NCOR1: variants seen among roughly 807,000 people sequenced by gnomAD.
The protein encoded by NCOR1 is nuclear receptor corepressor 1.
NCOR1 carries 63 observed loss-of-function variants against 288.1 expected under a neutral mutation model. The ratio of observed to expected loss-of-function variants is 0.22; its 90% CI spans 0.18 to 0.27. The LOEUF is 0.27. Among genes scored for constraint, NCOR1 ranks in the 10% least tolerant of loss-of-function variants. The pLI is 1.00. For missense variants in NCOR1, 2,397 were observed against 3,019.2 expected (o/e 0.79, Z 4.83); for synonymous variants, 1,007 against 1,065.9 (o/e 0.94, Z 1.08).
intron 18 of NCOR1, among the ~76,000 whole-genome samples, chr17:16,112,196 A>T (rs2070399225): frequency 6.6e-6 from 1 of 151,964 alleles, no homozygotes; most frequent in Non-Finnish European, 1.5e-5. Flanking sequence ...TACATATCTG[A>T]CTCATTTTTT....
At chr17:16,153,067 G>C (rs1422022499) in intron 7 of NCOR1, among the ~76,000 whole-genome samples, 2 of 152,046 alleles carry the variant, frequency 1.3e-5, no homozygotes, top group Non-Finnish European at 1.5e-5. Flanking sequence ...AACATTCAAA[G>C]AGCTTTCTAA....
chr17:16,100,004 GAC>G lies in NCOR1; in HGVS notation c.2690+1244_2690+1245del, dbSNP rs1446317398. Among the ~76,000 whole-genome samples the G allele has an allele frequency of 3.3e-5, 5 of 151,978 alleles. No homozygotes were observed. In the East Asian group the frequency reaches 9.6e-4, roughly 29 times the overall value. On this transcript the variant is annotated intron_variant, in intron 20 of 45. Coordinates refer to ENST00000268712, the MANE Select transcript of NCOR1 (RefSeq NM_006311.4). ...TGAACTGAAAATACAGTGACACCAA[GAC>G]ACACTCTGAAAGATAAACTTTGAAG...
chr17:16,089,124 GTT>G (rs61185663), intron 22 of NCOR1, among the ~76,000 whole-genome samples: 5 of 138,986 alleles, frequency 3.6e-5, no homozygotes, highest in Non-Finnish European at 4.7e-5. Flanking sequence ...CATAGTAGTG[GTT>G]TTTTTTTTTT....
At chr17:16,213,143 G>A (rs1004581182) in intron 1 of NCOR1, among the ~76,000 whole-genome samples, 1 of 149,390 alleles carries the variant, frequency 6.7e-6, no homozygotes, top group African/African-American at 2.5e-5. Context: ...ATTCTTTTTT[G>A]ATTAAGAGGA....
In NCOR1 at chr17:16,031,398, T is replaced by C. The variant is rs1235793140; in HGVS notation, c.*898A>G. The stretch of plus-strand genomic sequence containing the variant: ...GAGCCTTAAACCACAAATAATCTAC[T>C]GTAGCTATGGACAGGGTAGTCAAAT... On this transcript the variant is annotated 3_prime_UTR_variant, in exon 46 of 46. Coordinates refer to ENST00000268712, the MANE Select transcript of NCOR1 (RefSeq NM_006311.4). 1.0e-5 allele frequency: 2 copies of C among 191,430 alleles called. No individual in the cohort carries two copies. Among genetic ancestry groups the C allele is most frequent in the Non-Finnish European group, 2.2e-5 (2 of 91,436 alleles). 11.9% of individuals were successfully genotyped at this position (191,430 alleles called of 1,614,324 possible). A position where few individuals can be genotyped will look rare whatever the true frequency, so the allele number is the denominator to read the frequency against.
At chr17:16,108,195 AAAT>A (rs773552618) in intron 19 of NCOR1, 3 of 240,808 alleles carry the variant, frequency 1.2e-5, no homozygotes, top group African/African-American at 4.6e-5. Context: ...AAAAAAAAAA[AAAT>A]CCACAGAAAC....
intron 22 of NCOR1, 26 bp from the exon 23 acceptor site, chr17:16,086,468 T>C: frequency 6.3e-7 from 1 of 1,594,238 alleles, no homozygotes; most frequent in Non-Finnish European, 8.6e-7. Flanking sequence ...AAAAATGATT[T>C]TAAACTAGTC....
At chr17:16,178,311 A>G (rs149213634) in intron 3 of NCOR1, among the ~76,000 whole-genome samples, 2,433 of 152,092 alleles carry the variant, frequency 0.016, 60 homozygotes, top group African/African-American at 0.055. Context: ...CATCCTGACT[A>G]ACACAGTGAA....
chr17:16,130,840 C>T (rs189527277), intron 14 of NCOR1, among the ~76,000 whole-genome samples: 2 of 149,182 alleles, frequency 1.3e-5, no homozygotes, highest in Admixed American at 6.7e-5. Context: ...CACATCACCA[C>T]ACCTGGCTAA....
intron 2 of NCOR1, among the ~76,000 whole-genome samples, chr17:16,193,555 G>A (rs2089069471): frequency 6.6e-6 from 1 of 152,030 alleles, no homozygotes; most frequent in Non-Finnish European, 1.5e-5. Flanking sequence ...AAAACCAGCA[G>A]CAACAATAAT....
In NCOR1 at chr17:16,165,080, G is replaced by A. The variant is rs772418872; in HGVS notation, c.517C>T (p.Pro173Ser). 3 of 1,611,308 alleles carry A rather than the reference G, an allele frequency of 1.9e-6. No individual in the cohort carries two copies. Among genetic ancestry groups the A allele is most frequent in the Non-Finnish European group, 2.5e-6 (3 of 1,179,236 alleles). Residue 173 changes from proline (P) to serine (S), a missense_variant, in exon 5 of 46, where the codon CCT becomes TCT. Transcript: ENST00000268712. ...AACTCTTCCTTTGAGAGTTTTGAAG[G>A]TGAAGCATTTTGATCATCTCCACAT... ...QPCGDDQNAS[P>S]SKLSKEELIQ...
At chr17:16,057,830 TTC>T (rs1217396151) in intron 39 of NCOR1, 75 bp downstream of exon 39, 13 of 1,485,338 alleles carry the variant, frequency 8.8e-6, no homozygotes, top group South Asian at 1.4e-5. Context: ...TATTATAAAT[TTC>T]TTTTTCTATA....
intron 2 of NCOR1, among the ~76,000 whole-genome samples, chr17:16,188,760 C>A (rs1318024272): frequency 1.3e-5 from 2 of 152,034 alleles, no homozygotes; most frequent in Non-Finnish European, 2.9e-5. Context: ...TGCTATGGCT[C>A]ACACTTGTAA....
At chr17:16,182,282 A>G (rs1369061229) in intron 3 of NCOR1, among the ~76,000 whole-genome samples, 1 of 152,200 alleles carries the variant, frequency 6.6e-6, no homozygotes, top group African/African-American at 2.4e-5. Context: ...TGTTTTCAGT[A>G]AGATTTTACT....
In NCOR1 at chr17:16,068,026, C is replaced by G. The variant is rs778405377; in HGVS notation, c.4609G>C (p.Gly1537Arg). 5.0e-6 allele frequency: 8 copies of G among 1,614,088 alleles called. No homozygotes were observed. Among genetic ancestry groups the G allele is most frequent in the Non-Finnish European group, 1.7e-6 (2 of 1,180,044 alleles). Residue 1537 changes from glycine (G) to arginine (R), a missense_variant, in exon 32 of 46, where the codon GGG (glycine) becomes CGG (arginine). Around this residue, in one of 11 missense-constraint regions of NCOR1, gnomAD observed 1,872 missense variants for 2,187.8 expected, o/e 0.86. Transcript: ENST00000268712. ...ESIPAKSPVP[G>R]VDPVVSHSPF... ...CTGTGGCTCACGACAGGGTCCACCCCAGGCACTGGAGACTTCGCTGGGATA... is the reference window on the plus strand; with the variant it reads ...CTGTGGCTCACGACAGGGTCCACCCGAGGCACTGGAGACTTCGCTGGGATA...
intron 1 of NCOR1, among the ~76,000 whole-genome samples, chr17:16,202,747 T>A (rs558840134): frequency 6.6e-6 from 1 of 152,296 alleles, no homozygotes; most frequent in East Asian, 1.9e-4. Flanking sequence ...TTAAAGATCA[T>A]CTGCTGCTGC....
chr17:16,045,001 A>G (rs78302927), intron 42 of NCOR1: 2 of 432,450 alleles, frequency 4.6e-6, no homozygotes, highest in Non-Finnish European at 8.5e-6. Context: ...GAACTTAAGA[A>G]AAAAAAAAAA....
rs2061858036 is a variant in NCOR1 at position 16,072,378 on chromosome 17, C to A, written c.3812-150G>T. 8.2e-6 allele frequency: 4 copies of A among 490,306 alleles called. No individual in the cohort carries two copies. In the South Asian group the frequency reaches 2.2e-4, roughly 28 times the overall value. The allele number at this position is 490,306 out of a possible 1,614,324, so 30.4% of individuals were successfully genotyped here. On this transcript the variant is annotated intron_variant, in intron 28 of 45. Coordinates refer to ENST00000268712, the MANE Select transcript of NCOR1 (RefSeq NM_006311.4). ...AAGTTTGTGAACTATCCAGAAGTAC[C>A]TAATATGACATCACACAGTCCTTTG...
intron 19 of NCOR1, 104 bp downstream of exon 19, chr17:16,108,682 G>T: frequency 1.1e-6 from 1 of 924,264 alleles, no homozygotes; most frequent in Non-Finnish European, 1.6e-6. Flanking sequence ...TGAAAACACT[G>T]GCACACTGTT....
Sources: gnomAD v4.1 joint callset for allele counts (sites outside exome capture counted in the v4.1 genomes callset) on GRCh38, gnomAD v4.1.1 for gene constraint, gnomAD v4.1.1 regional missense constraint, MANE v1.5 for transcripts, NCBI Gene and HGNC (gene_info 2026-07-23, HGNC 2026-07-21) for gene names.